Variants in ATXN8OS observed in about 807,000 individuals in gnomAD.
ATXN8OS encodes ATXN8 opposite strand lncRNA.
At chr13:70,119,132 AC>A (rs1349371600) in intron 2 of ATXN8OS, among the ~76,000 whole-genome samples, 1 of 152,024 alleles carries the variant, frequency 6.6e-6, no homozygotes, top group African/African-American at 2.4e-5. Context: ...AGTCTAACTA[AC>A]CCCACAAAAA....
intron 4 of ATXN8OS, among the ~76,000 whole-genome samples, chr13:70,161,115 C>G (rs1265913653): frequency 1.3e-5 from 2 of 150,370 alleles, no homozygotes; most frequent in African/African-American, 4.9e-5. Context: ...AGCCAGTAAA[C>G]TAAATACTGC....
chr13:70,157,722 C>T (rs142059059), intron 4 of ATXN8OS, among the ~76,000 whole-genome samples: 2 of 152,042 alleles, frequency 1.3e-5, no homozygotes, highest in Non-Finnish European at 2.9e-5. Flanking sequence ...AGATTCTAAA[C>T]AGATTTAAAA....
intron 4 of ATXN8OS, among the ~76,000 whole-genome samples, chr13:70,162,470 C>A (rs1889020884): frequency 6.6e-6 from 1 of 152,036 alleles, no homozygotes; most frequent in African/African-American, 2.4e-5. Context: ...TCTTCTGAGG[C>A]TCTTCTGTTT....
At chr13:70,149,486 A>G (rs1460872899) in intron 4 of ATXN8OS, among the ~76,000 whole-genome samples, 1 of 152,174 alleles carries the variant, frequency 6.6e-6, no homozygotes, top group Non-Finnish European at 1.5e-5. Flanking sequence ...ACATAATAAT[A>G]AAATGAATGG....
intron 3 of ATXN8OS, among the ~76,000 whole-genome samples, chr13:70,142,782 T>C (rs867420511): frequency 4.3e-4 from 66 of 152,256 alleles, no homozygotes; most frequent in Middle Eastern, 6.8e-3. Context: ...GCAATGTAAA[T>C]TCATAAATGC....
At chr13:70,170,000 A>G (rs1889126430) in exon 5 of ATXN8OS, among the ~76,000 whole-genome samples, 1 of 152,018 alleles carries the variant, frequency 6.6e-6, no homozygotes, top group Admixed American at 6.6e-5. Context: ...TGTACTTGGG[A>G]TTGGCATTTC....
intron 1 of ATXN8OS, chr13:70,108,171 C>T (rs1888124142): frequency 2.5e-6 from 1 of 399,350 alleles, no homozygotes; most frequent in African/African-American, 2.1e-5. Context: ...CCTTGCAGCT[C>T]AGAGTTCAGT....
At chr13:70,140,575 A>C (rs2137491847) in intron 3 of ATXN8OS, among the ~76,000 whole-genome samples, 1 of 152,098 alleles carries the variant, frequency 6.6e-6, no homozygotes, top group East Asian at 1.9e-4. Context: ...GTCATAAATA[A>C]AAGTAATTCA....
chr13:70,132,647 T>C (rs2137484522), intron 3 of ATXN8OS, among the ~76,000 whole-genome samples: 1 of 152,260 alleles, frequency 6.6e-6, no homozygotes, highest in South Asian at 2.1e-4. Flanking sequence ...TGCATATTGC[T>C]CATTGAGATA....
intron 4 of ATXN8OS, among the ~76,000 whole-genome samples, chr13:70,165,909 C>A (rs1460366262): frequency 6.6e-6 from 1 of 151,818 alleles, no homozygotes; most frequent in Non-Finnish European, 1.5e-5. Context: ...AGTAACAGCA[C>A]AGAAAGTAAA....
chr13:70,141,449 C>A (rs1321463736), intron 3 of ATXN8OS, among the ~76,000 whole-genome samples: 1 of 152,056 alleles, frequency 6.6e-6, no homozygotes, highest in African/African-American at 2.4e-5. Context: ...TTTAATCTTT[C>A]AAATATATTT....
intron 3 of ATXN8OS, among the ~76,000 whole-genome samples, chr13:70,137,360 T>C (rs1888632926): frequency 6.6e-6 from 1 of 152,164 alleles, no homozygotes. Flanking sequence ...GTGAAACACC[T>C]CTTATTGGTT....
chr13:70,138,883 G>T (rs1189922089), intron 3 of ATXN8OS, among the ~76,000 whole-genome samples: 1 of 152,004 alleles, frequency 6.6e-6, no homozygotes, highest in Non-Finnish European at 1.5e-5. Context: ...TATAGTGGTT[G>T]ATTCAATGAA....
chr13:70,132,581 A>G (rs537380625), intron 3 of ATXN8OS, among the ~76,000 whole-genome samples: 2 of 152,194 alleles, frequency 1.3e-5, no homozygotes, highest in East Asian at 3.9e-4. Context: ...TACCCAGGTA[A>G]GAAACTTGCA....
At chr13:70,166,685 G>A (rs377739139) in intron 4 of ATXN8OS, among the ~76,000 whole-genome samples, 21 of 152,052 alleles carry the variant, frequency 1.4e-4, no homozygotes, top group African/African-American at 5.1e-4. Context: ...TAATTAAACT[G>A]AAGAGCTTCT....
chr13:70,143,147 ATACTT>A (rs1888739712), intron 3 of ATXN8OS, among the ~76,000 whole-genome samples: 1 of 152,132 alleles, frequency 6.6e-6, no homozygotes, highest in South Asian at 2.1e-4. Flanking sequence ...CTCTTTCTAA[ATACTT>A]TACCAACTTG....
chr13:70,160,872 A>C lies in ATXN8OS; in HGVS notation n.574-8881A>C, dbSNP rs1237750018. 3.4e-5 allele frequency among the ~76,000 whole-genome samples: 5 copies of C among 147,224 alleles called. No homozygotes were observed. The East Asian group carries it at 7.8e-4, about 23-fold the overall frequency. On this transcript the variant is annotated intron_variant and non_coding_transcript_variant, in intron 4 of 4. Coordinates refer to ENST00000678624, the Ensembl canonical transcript of ATXN8OS. The stretch of plus-strand genomic sequence containing the variant: ...TTATATTTTATGTCTCTTTATTCAA[A>C]ATATACCTATTTAAGTGAATTCAAT...
At chr13:70,107,540 T>C, upstream of ATXN8OS, 1 of 1,609,660 alleles carries the variant, frequency 6.2e-7, no homozygotes, top group Non-Finnish European at 8.5e-7. Context: ...AGCAGGCGAC[T>C]CTGGCTGGGT....
chr13:70,146,748 A>T (rs1238789207), intron 3 of ATXN8OS, among the ~76,000 whole-genome samples: 1 of 120,078 alleles, frequency 8.3e-6, no homozygotes, highest in Admixed American at 1.1e-4. Context: ...GGAACATCAC[A>T]CTCTGGGAAC....
Sources: allele counts gnomAD v4.1 joint callset (sites outside exome capture counted in the v4.1 genomes callset), GRCh38; gene constraint gnomAD v4.1.1; transcripts MANE v1.5; gene names NCBI Gene and HGNC (gene_info 2026-07-23, HGNC 2026-07-21).